NELL1: variants seen among roughly 807,000 people sequenced by gnomAD.
The protein encoded by NELL1 is neural EGFL like 1, also known as protein kinase C-binding protein NELL1.
NELL1 carries 76 observed loss-of-function variants against 107.4 expected under a neutral mutation model. That is an observed-to-expected ratio of 0.71 (90% CI 0.59 to 0.86). The LOEUF is 0.86. NELL1 is among the 40% of genes least tolerant of loss of function. The pLI is 0.00. For missense variants in NELL1, 1,024 were observed against 1,005.5 expected (o/e 1.02, Z -0.25); for synonymous variants, 353 against 341.2 (o/e 1.03, Z -0.38).
chr11:21,327,191 G>C (rs1198735152), intron 14 of NELL1, among the ~76,000 whole-genome samples: 3 of 99,972 alleles, frequency 3.0e-5, no homozygotes, highest in Non-Finnish European at 5.8e-5. Context: ...GGGGGGGACT[G>C]TTGTGGGGTG....
chr11:20,853,292 A>G (rs1848824091), intron 4 of NELL1, among the ~76,000 whole-genome samples: 1 of 152,216 alleles, frequency 6.6e-6, no homozygotes, highest in Non-Finnish European at 1.5e-5. Context: ...CATGTTTCAT[A>G]TTTGAAGCAT....
intron 12 of NELL1, among the ~76,000 whole-genome samples, chr11:21,079,526 C>T (rs1590616595): frequency 6.6e-6 from 1 of 152,000 alleles, no homozygotes. Flanking sequence ...TGGCTATACA[C>T]AGTAAAACTC....
chr11:20,987,791 A>G (rs1476393264), intron 12 of NELL1, among the ~76,000 whole-genome samples: 1 of 152,174 alleles, frequency 6.6e-6, no homozygotes, highest in African/African-American at 2.4e-5. Context: ...TAACAATAGT[A>G]CTTACATCAT....
intron 13 of NELL1, among the ~76,000 whole-genome samples, chr11:21,152,433 A>G (rs1227848911): frequency 6.6e-6 from 1 of 152,208 alleles, no homozygotes; most frequent in Non-Finnish European, 1.5e-5. Flanking sequence ...GACAGCTTCA[A>G]TTTTGACCAA....
At chr11:21,380,652 T>G (rs183258271) in intron 15 of NELL1, among the ~76,000 whole-genome samples, 28 of 152,166 alleles carry the variant, frequency 1.8e-4, no homozygotes, top group African/African-American at 6.5e-4. Flanking sequence ...CTTGAAGCTA[T>G]TTCACAACCC....
At chr11:20,779,936 C>G (rs958299347) in intron 2 of NELL1, among the ~76,000 whole-genome samples, 1 of 152,186 alleles carries the variant, frequency 6.6e-6, no homozygotes, top group African/African-American at 2.4e-5. Context: ...TGATCTCAGT[C>G]CTTTGAAACC....
rs1856488202 is a variant in NELL1 at position 21,548,089 on chromosome 11, A to G, written c.1787-12100A>G. On this transcript the variant is annotated intron_variant, in intron 16 of 19. Coordinates refer to ENST00000357134, the MANE Select transcript of NELL1 (RefSeq NM_006157.5). ...AAACTATTCATTTAGCTTCTCTTTG[A>G]GGAAGAGACCATGGCAGAGCAAACA... 2.0e-5 allele frequency among the ~76,000 whole-genome samples: 3 copies of G among 152,052 alleles called. No homozygotes were observed. The South Asian group carries it at 6.2e-4, about 32-fold the overall frequency.
intron 14 of NELL1, among the ~76,000 whole-genome samples, chr11:21,261,439 TA>T (rs1000629729): frequency 1.3e-5 from 2 of 151,734 alleles, no homozygotes; most frequent in Non-Finnish European, 2.9e-5. Context: ...TAGATGGACC[TA>T]AAATACCCTC....
At chr11:21,194,998 C>T (rs1026310266) in intron 13 of NELL1, among the ~76,000 whole-genome samples, 7 of 151,990 alleles carry the variant, frequency 4.6e-5, no homozygotes, top group East Asian at 3.9e-4. Flanking sequence ...GTGTGAGCGT[C>T]GGGGAGATGT....
At chr11:21,162,819 G>A (rs1453999) in intron 13 of NELL1, among the ~76,000 whole-genome samples, 120,624 of 152,126 alleles carry the variant, frequency 0.79, 47,918 homozygotes, top group Admixed American at 0.83. Context: ...GAATTTGTTC[G>A]GTATACACTC....
At chr11:21,072,585 T>C (rs1854041289) in intron 12 of NELL1, among the ~76,000 whole-genome samples, 1 of 152,104 alleles carries the variant, frequency 6.6e-6, no homozygotes, top group Admixed American at 6.6e-5. Flanking sequence ...ATAGGAGAAA[T>C]AAGACATGAC....
At chr11:21,250,852 C>T (rs1331867768) in intron 14 of NELL1, among the ~76,000 whole-genome samples, 1 of 152,076 alleles carries the variant, frequency 6.6e-6, no homozygotes, top group Non-Finnish European at 1.5e-5. Flanking sequence ...GGTGGCCAGG[C>T]TGGTTTGAGG....
In NELL1 at chr11:20,843,915, G is replaced by A. The variant is rs140043470; in HGVS notation, c.336-3668G>A. 8.7e-3 allele frequency among the ~76,000 whole-genome samples: 1,319 copies of A among 152,204 alleles called. 10 individuals are homozygous for A. Among genetic ancestry groups the A allele is most frequent in the Non-Finnish European group, 0.014 (980 of 67,998 alleles). ...GGTGGACCTTTGAGGAATTATGCATGTTGATTCTGGGTAGGGTCTACCTTG... is the reference window on the plus strand; with the variant it reads ...GGTGGACCTTTGAGGAATTATGCATATTGATTCTGGGTAGGGTCTACCTTG... On this transcript the variant is annotated intron_variant, in intron 3 of 19. Transcript: ENST00000357134.
chr11:20,734,751 G>C (rs1427198969), intron 2 of NELL1, among the ~76,000 whole-genome samples: 3 of 152,186 alleles, frequency 2.0e-5, no homozygotes, highest in Non-Finnish European at 4.4e-5. Context: ...GATTGGGCTG[G>C]AGGTGTATTT....
At chr11:21,147,860 A>AT (rs1361780518) in intron 13 of NELL1, among the ~76,000 whole-genome samples, 2 of 150,476 alleles carry the variant, frequency 1.3e-5, no homozygotes, top group Non-Finnish European at 3.0e-5. Context: ...AAAAAAAAAA[A>AT]AAAAAGAAAA....
At position 21,093,849 on chromosome 11, in the gene NELL1, A is replaced by G. The variant is rs149461514; in HGVS notation, c.1301-19740A>G. ...TACCTCCCACTGGGTCCTTCACACA[A>G]CACATGGGAATTCGAGATGAGATTT... On this transcript the variant is annotated intron_variant, in intron 12 of 19. Coordinates refer to ENST00000357134, the MANE Select transcript of NELL1 (RefSeq NM_006157.5). Among the ~76,000 whole-genome samples, 1,060 of 152,294 alleles carry G rather than the reference A, an allele frequency of 7.0e-3. 17 individuals are homozygous for G. Among genetic ancestry groups the G allele is most frequent in the African/African-American group, 0.023 (973 of 41,556 alleles).
chr11:21,413,066 CA>C (rs2133812551), intron 15 of NELL1, among the ~76,000 whole-genome samples: 1 of 152,180 alleles, frequency 6.6e-6, no homozygotes, highest in East Asian at 1.9e-4. Flanking sequence ...CATACAGTAG[CA>C]AAACATATGA....
chr11:21,063,738 C>T (rs1207300023), intron 12 of NELL1, among the ~76,000 whole-genome samples: 17 of 152,146 alleles, frequency 1.1e-4, no homozygotes, highest in Admixed American at 3.3e-4. Context: ...TTTATTGTGC[C>T]GCATTTTTCT....
At chr11:21,329,860 G>A (rs1173840106) in intron 14 of NELL1, among the ~76,000 whole-genome samples, 1 of 151,946 alleles carries the variant, frequency 6.6e-6, no homozygotes, top group African/African-American at 2.4e-5. Flanking sequence ...ACATAGTTCT[G>A]TTTTCTCTTC....
Sources: allele counts gnomAD v4.1 joint callset (sites outside exome capture counted in the v4.1 genomes callset), GRCh38; gene constraint gnomAD v4.1.1; transcripts MANE v1.5; gene names NCBI Gene and HGNC (gene_info 2026-07-23, HGNC 2026-07-21).